PACSIN2: variants seen among roughly 807,000 people sequenced by gnomAD.
The protein encoded by PACSIN2 is protein kinase C and casein kinase substrate in neurons protein 2.
A neutral mutation model predicts 63.8 loss-of-function variants in PACSIN2; 25 were observed. The observed-to-expected ratio is 0.39, with a 90% confidence interval of 0.29 to 0.55. The LOEUF (loss-of-function observed/expected upper bound fraction) is 0.55. Among genes scored for constraint, PACSIN2 ranks in the 20% least tolerant of loss-of-function variants. The probability of loss-of-function intolerance (pLI) is 0.62; values close to 1 mark genes in which losing one functional copy is unlikely to be tolerated. For missense variants in PACSIN2, 518 were observed against 646.9 expected (o/e 0.80, Z 2.16); for synonymous variants, 255 against 256.2 (o/e 1.00, Z 0.05).
At chr22:42,900,004 T>A (rs989186126) in intron 2 of PACSIN2, among the ~76,000 whole-genome samples, 5 of 152,222 alleles carry the variant, frequency 3.3e-5, no homozygotes, top group Non-Finnish European at 7.3e-5. Flanking sequence ...GGAACGGTTA[T>A]TGATGAGCGA....
In PACSIN2 at chr22:42,887,578, C is replaced by T. The variant is rs932478513; in HGVS notation, c.609+1065G>A. Among the ~76,000 whole-genome samples the T allele has an allele frequency of 5.9e-5, 9 of 152,256 alleles. No individual in the cohort carries two copies. In the East Asian group the frequency reaches 1.7e-3, roughly 29 times the overall value. On this transcript the variant is annotated intron_variant, in intron 5 of 10. Transcript: ENST00000263246. ...AAATCCTGGTTGGGAATCTCCTCTCCAAACACCGAGGCAGGGCAGGCCCTC... is the reference window on the plus strand; with the variant it reads ...AAATCCTGGTTGGGAATCTCCTCTCTAAACACCGAGGCAGGGCAGGCCCTC...
At chr22:42,888,571 A>G in intron 5 of PACSIN2, 72 bp downstream of exon 5, 1 of 1,468,990 alleles carries the variant, frequency 6.8e-7, no homozygotes, top group Non-Finnish European at 9.5e-7. Flanking sequence ...GCAGTTACAG[A>G]AGGCTATATG....
intron 1 of PACSIN2, among the ~76,000 whole-genome samples, chr22:42,972,044 A>G (rs5751406): frequency 0.6 from 91,575 of 151,750 alleles, 28,169 homozygotes; most frequent in East Asian, 0.78. Flanking sequence ...CCATGATGAC[A>G]ATGGCGGTTT....
In PACSIN2 at chr22:42,981,642, G is replaced by A. The variant is rs1486985900; in HGVS notation, c.-78+33379C>T. On this transcript the variant is annotated intron_variant, in intron 1 of 10. Coordinates refer to ENST00000263246, the MANE Select transcript of PACSIN2 (RefSeq NM_001184970.3). ...CCCGGCCAGCCGCCCCGTCCGGGAG[G>A]GAGGTGGGGGGGTCAGCCCCCCGCC... is the stretch of plus-strand genomic sequence containing the variant. Among the ~76,000 whole-genome samples the A allele has an allele frequency of 6.0e-3, 769 of 127,892 alleles. 1 individual carries two copies. Among genetic ancestry groups the A allele is most frequent in the Non-Finnish European group, 9.9e-3 (577 of 58,416 alleles). 83.9% of individuals were successfully genotyped at this position (127,892 alleles called of 152,430 possible). A position where few individuals can be genotyped will look rare whatever the true frequency, so the allele number is the denominator to read the frequency against.
At chr22:42,916,358 A>T (rs1403154632) in intron 1 of PACSIN2, among the ~76,000 whole-genome samples, 1 of 124,598 alleles carries the variant, frequency 8.0e-6, no homozygotes. Flanking sequence ...ACCATGGCCA[A>T]TCTGGGAACT....
At chr22:42,900,087 G>A (rs1930570791) in intron 2 of PACSIN2, among the ~76,000 whole-genome samples, 1 of 152,062 alleles carries the variant, frequency 6.6e-6, no homozygotes, top group African/African-American at 2.4e-5. Context: ...AGGCTTCCCT[G>A]ATGCAGCCCG....
chr22:42,976,620 T>C (rs534083124), intron 1 of PACSIN2, among the ~76,000 whole-genome samples: 4 of 152,356 alleles, frequency 2.6e-5, no homozygotes, highest in Admixed American at 1.3e-4. Flanking sequence ...AGCGGCAGAA[T>C]TGTATTACAT....
At chr22:42,894,637 A>G (rs577562932) in intron 2 of PACSIN2, among the ~76,000 whole-genome samples, 4 of 152,330 alleles carry the variant, frequency 2.6e-5, no homozygotes, top group Non-Finnish European at 2.9e-5. Flanking sequence ...TTCGTATATG[A>G]AAAGAAAAAC....
chr22:42,879,563 C>T (rs1268488305), intron 7 of PACSIN2, among the ~76,000 whole-genome samples: 1 of 152,252 alleles, frequency 6.6e-6, no homozygotes, highest in Non-Finnish European at 1.5e-5. Context: ...AGCATGGGCC[C>T]CTGTGGCCTC....
intron 1 of PACSIN2, among the ~76,000 whole-genome samples, chr22:42,934,480 G>C (rs1463160060): frequency 1.3e-5 from 2 of 152,316 alleles, no homozygotes; most frequent in East Asian, 3.9e-4. Flanking sequence ...GCTGCACACA[G>C]AACACCTCCT....
intron 1 of PACSIN2, 140 bp from the exon 2 acceptor site, chr22:42,912,297 A>C (rs1476687568): frequency 3.9e-6 from 2 of 518,738 alleles, no homozygotes; most frequent in Non-Finnish European, 6.7e-6. Flanking sequence ...AGGTGGCAGA[A>C]AGCCAGTAGA....
At chr22:42,955,976 A>C (rs899472565) in intron 1 of PACSIN2, among the ~76,000 whole-genome samples, 3 of 152,254 alleles carry the variant, frequency 2.0e-5, no homozygotes, top group Non-Finnish European at 2.9e-5. Flanking sequence ...TTAGGAATTT[A>C]AGAGTCAAAG....
chr22:42,941,245 G>C (rs560209100), intron 1 of PACSIN2, among the ~76,000 whole-genome samples: 49 of 152,252 alleles, frequency 3.2e-4, no homozygotes, highest in Non-Finnish European at 3.8e-4. Flanking sequence ...TTGTTGCTAA[G>C]TAATATTCCA....
intron 2 of PACSIN2, among the ~76,000 whole-genome samples, chr22:42,898,277 CTT>C (rs113057498): frequency 2.8e-5 from 4 of 145,258 alleles, no homozygotes; most frequent in Non-Finnish European, 4.5e-5. Context: ...CCTTCCTTTT[CTT>C]TTTTTTTTTT....
At chr22:42,987,459 C>G (rs1469011959) in intron 1 of PACSIN2, among the ~76,000 whole-genome samples, 1 of 116,288 alleles carries the variant, frequency 8.6e-6, no homozygotes, top group Admixed American at 8.3e-5. Flanking sequence ...AACACACACA[C>G]ACACACACAC....
At chr22:42,935,868 A>T (rs1305665521) in intron 1 of PACSIN2, among the ~76,000 whole-genome samples, 1 of 152,108 alleles carries the variant, frequency 6.6e-6, no homozygotes. Context: ...ATCAAGTCTT[A>T]CTGGCCACGT....
chr22:42,962,854 T>C (rs1920927920), intron 1 of PACSIN2, among the ~76,000 whole-genome samples: 1 of 150,130 alleles, frequency 6.7e-6, no homozygotes, highest in African/African-American at 2.5e-5. Context: ...TCAGACCAGA[T>C]CTCCAGTGTG....
intron 1 of PACSIN2, among the ~76,000 whole-genome samples, chr22:42,976,613 G>A (rs969593470): frequency 1.3e-5 from 2 of 152,148 alleles, no homozygotes; most frequent in Non-Finnish European, 2.9e-5. Flanking sequence ...TAAGATTAGC[G>A]GCAGAATTGT....
rs1420613232 is a variant in PACSIN2 at position 42,888,693 on chromosome 22, G to C, written c.559C>G (p.Leu187Val). Residue 187 changes from leucine (L) to valine (V), a missense_variant, in exon 5 of 11, where the codon CTC (leucine) becomes GTC (valine). Leu to Val is a conservative substitution (Grantham distance 32, BLOSUM62 1). Around this residue, in one of 2 missense-constraint regions of PACSIN2, gnomAD observed 507 missense variants for 612.3 expected, o/e 0.83. Coordinates refer to ENST00000263246, the MANE Select transcript of PACSIN2 (RefSeq NM_001184970.3). ...TCTATTTTGTCTTGCAATTTCTTGA[G>C]CTGTTCAGGGTTGAGGGATGGGTCT... ...KADPSLNPEQ[L>V]KKLQDKIEKC... 1 of 1,614,078 alleles carries C rather than the reference G, an allele frequency of 6.2e-7. No homozygotes were observed. The highest frequency in any genetic ancestry group is 1.3e-5 in the African/African-American group (1 of 74,940).
Sources: allele counts gnomAD v4.1 joint callset (sites outside exome capture counted in the v4.1 genomes callset), GRCh38; gene constraint gnomAD v4.1.1; regional missense constraint gnomAD v4.1.1; transcripts MANE v1.5; gene names NCBI Gene and HGNC (gene_info 2026-07-23, HGNC 2026-07-21).